Variants in RPUSD3 observed in about 807,000 individuals in gnomAD.
The protein encoded by RPUSD3 is RNA pseudouridine synthase D3, also known as mitochondrial mRNA pseudouridine synthase RPUSD3.
In RPUSD3, 36 loss-of-function variants were observed where a neutral mutation model predicts 35.1. The ratio of observed to expected loss-of-function variants is 1.02; its 90% CI spans 0.79 to 1.35. RPUSD3 has a LOEUF of 1.35. RPUSD3 is among the 40% of genes most tolerant of loss of function. RPUSD3 has a pLI of 0.00. For missense variants in RPUSD3, 486 were observed against 441.9 expected (o/e 1.10, Z -0.89); for synonymous variants, 202 against 187.8 (o/e 1.08, Z -0.62).
intron 4 of RPUSD3, chr3:9,841,291 A>C (rs1435858939): frequency 6.5e-6 from 1 of 153,386 alleles, no homozygotes; most frequent in Non-Finnish European, 1.4e-5. Context: ...CATTAGGGGA[A>C]CTGAAGCTCA....
rs1325175175 is a variant in RPUSD3 at position 9,838,042 on chromosome 3, G to A, written c.1030C>T (p.Gln344Ter). ...TATTGTAAGCGGAGCCCCAGGCACT[G>A]TAGGGTCCTGGAGAAATAAGGGGGC... The change falls in exon 9 of 9, where the codon CAG (glutamine) becomes TAG (stop). Residue 344 changes from glutamine (Q) to a stop codon, truncating the protein, a stop_gained. Transcript: ENST00000383820. LOFTEE classifies it high-confidence loss of function. 1 of 1,589,804 alleles carries A rather than the reference G, an allele frequency of 6.3e-7. No homozygotes were observed. The highest frequency in any genetic ancestry group is 1.1e-5 in the South Asian group (1 of 88,228).
chr3:9,839,087 G>T, exon 8 of RPUSD3: 1 of 1,614,250 alleles, frequency 6.2e-7, no homozygotes, highest in Non-Finnish European at 8.5e-7. Context: ...GCCCAGGACA[G>T]TGCCCACACG....
At chr3:9,841,761 G>C (rs1027706073) in intron 4 of RPUSD3, 4 of 454,658 alleles carry the variant, frequency 8.8e-6, no homozygotes, top group Non-Finnish European at 1.2e-5. Context: ...GAGTCACTGT[G>C]CCCAGCGTCA....
At chr3:9,842,305 G>T in intron 2 of RPUSD3, 62 bp from the exon 3 acceptor site, 1 of 1,517,448 alleles carries the variant, frequency 6.6e-7, no homozygotes, top group Non-Finnish European at 9.2e-7. Flanking sequence ...CAGCACTAAA[G>T]AGTTTCCAGA....
At chr3:9,840,591 C>A (rs34244989) in exon 6 of RPUSD3, 2 of 1,613,834 alleles carry the variant, frequency 1.2e-6, no homozygotes, top group Admixed American at 1.7e-5. Flanking sequence ...CCCTCAGAAG[C>A]AGCTGGGATC....
At chr3:9,837,926 T>C (rs1182615715) in exon 9 of RPUSD3, 3 of 1,380,844 alleles carry the variant, frequency 2.2e-6, no homozygotes, top group Non-Finnish European at 1.9e-6. Flanking sequence ...GCAAGTGGCC[T>C]GTCCAGGATG....
intron 8 of RPUSD3, among the ~76,000 whole-genome samples, chr3:9,838,550 C>T (rs2082058039): frequency 6.6e-6 from 1 of 152,152 alleles, no homozygotes; most frequent in Non-Finnish European, 1.5e-5. Context: ...AAAACCTTAT[C>T]CACTTGAACC....
chr3:9,839,135 T>A (rs1415507706), exon 8 of RPUSD3: 1 of 1,613,760 alleles, frequency 6.2e-7, no homozygotes, highest in Non-Finnish European at 8.5e-7. Context: ...AGGGCAGAGC[T>A]GTAGTACCAT....
At chr3:9,838,500 T>G (rs561981401) in intron 8 of RPUSD3, among the ~76,000 whole-genome samples, 1 of 152,268 alleles carries the variant, frequency 6.6e-6, no homozygotes, top group Non-Finnish European at 1.5e-5. Flanking sequence ...TGAGTGAATG[T>G]GGGTGGCAGT....
In RPUSD3 at chr3:9,841,163, T is replaced by A. The variant is rs192108166; in HGVS notation, c.408-358A>T. 3.2e-5 allele frequency: 6 copies of A among 184,670 alleles called. No homozygotes were observed. In the East Asian group the frequency reaches 1.0e-3, roughly 31 times the overall value. The allele number at this position is 184,670 out of a possible 1,614,324, so 11.4% of individuals were successfully genotyped here. ...GAAATATTTCATCTCAAGTACCATC[T>A]TTAATTGATGGCAGTTAGAGGAAAG... On this transcript the variant is annotated intron_variant, in intron 4 of 8. Coordinates refer to ENST00000383820, the Ensembl canonical transcript of RPUSD3.
At chr3:9,840,102 G>C (rs2082080833) in intron 7 of RPUSD3, 82 bp downstream of exon 7, 3 of 1,539,800 alleles carry the variant, frequency 1.9e-6, no homozygotes, top group East Asian at 4.5e-5. Flanking sequence ...GACTGGTCTT[G>C]AACTCCTGAC....
chr3:9,843,494 G>T (rs1215502485), exon 2 of RPUSD3: 2 of 1,613,996 alleles, frequency 1.2e-6, no homozygotes, highest in East Asian at 2.2e-5. Flanking sequence ...TGCCCGCAGC[G>T]CATCAACCAG....
chr3:9,843,626 G>GGAGT (rs762246179), intron 1 of RPUSD3, 25 bp from the exon 2 acceptor site: 3 of 1,612,362 alleles, frequency 1.9e-6, no homozygotes, highest in Non-Finnish European at 1.7e-6. Flanking sequence ...AGAAGCAATG[G>GGAGT]GAGTCATTCC....
At chr3:9,838,132 G>T in exon 9 of RPUSD3, 1 of 1,612,534 alleles carries the variant, frequency 6.2e-7, no homozygotes, top group Non-Finnish European at 8.5e-7. Flanking sequence ...AGCCGATGTA[G>T]GTGGAGGTGC....
At chr3:9,840,162 C>A (rs766003653) in intron 7 of RPUSD3, 22 bp downstream of exon 7, 2 of 1,603,466 alleles carry the variant, frequency 1.2e-6, no homozygotes, top group Non-Finnish European at 1.7e-6. Flanking sequence ...GTTTTAAAGG[C>A]TGGCTAGGGT....
chr3:9,839,949 T>C (rs2082078905), intron 7 of RPUSD3: 1 of 440,882 alleles, frequency 2.3e-6, no homozygotes, highest in Non-Finnish European at 4.1e-6. Flanking sequence ...GGCATGATCT[T>C]GGCTCATTGC....
exon 8 of RPUSD3, chr3:9,839,134 C>G (rs779731893): frequency 1.9e-6 from 3 of 1,614,008 alleles, no homozygotes; most frequent in Non-Finnish European, 2.5e-6. Flanking sequence ...CAGGGCAGAG[C>G]TGTAGTACCA....
intron 2 of RPUSD3, 130 bp downstream of exon 2, chr3:9,843,335 G>A: frequency 1.5e-6 from 2 of 1,353,146 alleles, no homozygotes; most frequent in Non-Finnish European, 1.0e-6. Flanking sequence ...AAATTAGGTG[G>A]CTTGTCCCAG....
intron 2 of RPUSD3, 32 bp downstream of exon 2, chr3:9,843,433 G>A (rs768986489): frequency 6.2e-7 from 1 of 1,612,298 alleles, no homozygotes; most frequent in South Asian, 1.1e-5. Flanking sequence ...TCCCCTCCCG[G>A]TCCTTGTGCG....
Sources: allele counts gnomAD v4.1 joint callset (sites outside exome capture counted in the v4.1 genomes callset), GRCh38; gene constraint gnomAD v4.1.1; transcripts MANE v1.5; gene names NCBI Gene and HGNC (gene_info 2026-07-23, HGNC 2026-07-21).